TULP4: variants seen among roughly 807,000 people sequenced by gnomAD.
TULP4 encodes tubby-related protein 4.
TULP4 carries 16 observed loss-of-function variants against 129.0 expected under a neutral mutation model. The observed-to-expected ratio is 0.12, with a 90% CI of 0.08 to 0.19. TULP4 has a LOEUF of 0.19. Among genes scored for constraint, TULP4 ranks in the 10% least tolerant of loss-of-function variants. The pLI, the probability that TULP4 is intolerant of heterozygous loss-of-function variation, is 1.00. For missense variants in TULP4, 1,842 were observed against 2,059.1 expected (o/e 0.89, Z 2.04); for synonymous variants, 998 against 854.0 (o/e 1.17, Z -2.94).
At chr6:158,470,426 G>A (rs1031639933) in intron 6 of TULP4, among the ~76,000 whole-genome samples, 17 of 152,358 alleles carry the variant, frequency 1.1e-4, no homozygotes, top group South Asian at 2.1e-4. Flanking sequence ...TTTATATCCC[G>A]ATCCTTGTCC....
rs182591886 is a variant in TULP4 at position 158,486,996 on chromosome 6, C to A, written c.1487-2592C>A. Among the ~76,000 whole-genome samples, 67 of 152,196 alleles carry A rather than the reference C, an allele frequency of 4.4e-4. 1 individual carries two copies. The East Asian group carries it at 0.011, about 25-fold the overall frequency. On this transcript the variant is annotated intron_variant, in intron 8 of 13. Transcript: ENST00000367097. ...GGTGCAGTGGCTCATGCCTGTAATC[C>A]CAACAGTTTGGGAGGCCAAGGTAGG...
At chr6:158,476,504 G>C (rs999096352) in intron 6 of TULP4, among the ~76,000 whole-genome samples, 3 of 152,052 alleles carry the variant, frequency 2.0e-5, no homozygotes, top group African/African-American at 7.2e-5. Flanking sequence ...CAAGTCGTCC[G>C]AGCGAATGCG....
rs1225535233 is a variant in TULP4 at position 158,507,728 on chromosome 6, G to A, written c.*1034G>A. 6.6e-6 allele frequency: 1 copy of A among 152,132 alleles called. No individual in the cohort carries two copies. The highest frequency in any genetic ancestry group is 1.5e-5 in the Non-Finnish European group (1 of 68,026). The allele number at this position is 152,132 out of a possible 1,614,324, so 9.4% of individuals were successfully genotyped here. On this transcript the variant is annotated 3_prime_UTR_variant, in exon 14 of 14. Coordinates refer to ENST00000367097, the MANE Select transcript of TULP4 (RefSeq NM_020245.5). ...TTTCCCATGAGATACCATGTTCTATGCCTTCCCATTCTAAAAGTGTGGACA... is the reference window on the plus strand; with the variant it reads ...TTTCCCATGAGATACCATGTTCTATACCTTCCCATTCTAAAAGTGTGGACA...
chr6:158,294,955 C>T (rs908452806), intron 1 of TULP4, among the ~76,000 whole-genome samples: 4 of 152,142 alleles, frequency 2.6e-5, no homozygotes, highest in Admixed American at 6.5e-5. Flanking sequence ...AAGTGATCTG[C>T]CTGTCTTGGC....
intron 2 of TULP4, among the ~76,000 whole-genome samples, chr6:158,426,484 C>T (rs1778497618): frequency 8.1e-6 from 1 of 122,934 alleles, no homozygotes; most frequent in Admixed American, 7.9e-5. Flanking sequence ...GGAGTCCTTT[C>T]CCCGTTGTTT....
At chr6:158,374,364 T>C (rs1246598182) in intron 1 of TULP4, among the ~76,000 whole-genome samples, 1 of 150,328 alleles carries the variant, frequency 6.7e-6, no homozygotes, top group Non-Finnish European at 1.5e-5. Context: ...ATATTGCAAA[T>C]ATGGGTGGTA....
At chr6:158,422,914 G>A (rs1252538384) in intron 2 of TULP4, among the ~76,000 whole-genome samples, 1 of 152,258 alleles carries the variant, frequency 6.6e-6, no homozygotes. Context: ...ACAAGGGCCG[G>A]AAGGCGCCCG....
In TULP4 at chr6:158,313,426, T is replaced by C. The variant is rs1358556952; in HGVS notation, c.-591T>C. 2.5e-6 allele frequency: 1 copy of C among 398,948 alleles called. No individual in the cohort carries two copies. Among genetic ancestry groups the C allele is most frequent in the Non-Finnish European group, 4.4e-6 (1 of 226,416 alleles). The allele number at this position is 398,948 out of a possible 1,614,324, so 24.7% of individuals were successfully genotyped here. ...TTTTTTTCCCTTTATGCAATCTTTTTCAGCTTTAGCAGCAGAAATTTGTCT... is the reference window on the plus strand; with the variant it reads ...TTTTTTTCCCTTTATGCAATCTTTTCCAGCTTTAGCAGCAGAAATTTGTCT... On this transcript the variant is annotated 5_prime_UTR_variant, in exon 1 of 14. Transcript: ENST00000367097.
chr6:158,480,263 C>G (rs573205204), intron 7 of TULP4, among the ~76,000 whole-genome samples: 1 of 152,338 alleles, frequency 6.6e-6, no homozygotes, highest in South Asian at 2.1e-4. Context: ...TCAGCATTTC[C>G]TATATACTAA....
intron 6 of TULP4, among the ~76,000 whole-genome samples, chr6:158,476,234 G>T (rs1174495755): frequency 6.6e-6 from 1 of 152,142 alleles, no homozygotes; most frequent in African/African-American, 2.4e-5. Context: ...CCCTCTCCCA[G>T]AGTAAGTTTT....
At chr6:158,366,301 C>T (rs981565726) in intron 1 of TULP4, among the ~76,000 whole-genome samples, 1 of 152,300 alleles carries the variant, frequency 6.6e-6, no homozygotes, top group African/African-American at 2.4e-5. Context: ...GTGCCCTCAC[C>T]TTTCTGGAGT....
chr6:158,269,630 G>A (rs1039474675), intron 1 of TULP4, among the ~76,000 whole-genome samples: 4 of 152,098 alleles, frequency 2.6e-5, no homozygotes, highest in Non-Finnish European at 5.9e-5. Context: ...AATGATAATT[G>A]TCTCTGCATA....
intron 1 of TULP4, among the ~76,000 whole-genome samples, chr6:158,352,641 C>T (rs1374322173): frequency 1.3e-5 from 2 of 151,940 alleles, no homozygotes; most frequent in South Asian, 2.1e-4. Flanking sequence ...GTGATCCACC[C>T]GTCTTGGCCT....
chr6:158,257,132 G>C lies in TULP4; in HGVS notation n.68+24829G>C, dbSNP rs557358230. Among the ~76,000 whole-genome samples, 82 of 152,308 alleles carry C rather than the reference G, an allele frequency of 5.4e-4. No homozygotes were observed. In the South Asian group the frequency reaches 0.017, roughly 31 times the overall value. ...GTTAGTAGGTTGGAGAAAATGGACT[G>C]TGGAGTGAGTTTTTGTTGTTACTCA... On this transcript the variant is annotated intron_variant and non_coding_transcript_variant, in intron 1 of 1. Coordinates refer to the TULP4 transcript ENST00000620026.
chr6:158,372,279 C>T (rs1322999193), intron 1 of TULP4, among the ~76,000 whole-genome samples: 2 of 149,848 alleles, frequency 1.3e-5, no homozygotes, highest in Admixed American at 1.3e-4. Flanking sequence ...CTGAAGAGGA[C>T]AGTCTATGAC....
intron 1 of TULP4, among the ~76,000 whole-genome samples, chr6:158,259,757 T>G (rs1778315918): frequency 6.6e-6 from 1 of 152,188 alleles, no homozygotes; most frequent in South Asian, 2.1e-4. Context: ...GGCTGTAAAT[T>G]TGGGGATTCC....
At chr6:158,368,471 T>C (rs1776994942) in intron 1 of TULP4, among the ~76,000 whole-genome samples, 1 of 152,216 alleles carries the variant, frequency 6.6e-6, no homozygotes, top group Non-Finnish European at 1.5e-5. Flanking sequence ...AAAATGTTCT[T>C]AGCCCTTTTG....
At chr6:158,405,477 A>C (rs1382162988) in intron 1 of TULP4, among the ~76,000 whole-genome samples, 2 of 152,224 alleles carry the variant, frequency 1.3e-5, no homozygotes, top group Non-Finnish European at 2.9e-5. Flanking sequence ...GGGGGTCAAA[A>C]GGGCACCGTT....
chr6:158,489,694 C>T lies in TULP4; in HGVS notation c.1593C>T (p.Pro531=), dbSNP rs949827905. Reference sequence around the variant, plus strand: ...ATGACTGGGCTGCCAAGAAATCTCCCAAAATCTCCAGAGCTAGCAAATCAC... The same window carrying T: ...ATGACTGGGCTGCCAAGAAATCTCCTAAAATCTCCAGAGCTAGCAAATCAC... ...LSDDWAAKKS[P]KISRASKSPK... Residue 531 remains proline, a synonymous_variant, in exon 9 of 14, where the codon CCC becomes CCT. Transcript: ENST00000367097. 1.9e-6 allele frequency: 3 copies of T among 1,614,046 alleles called. No homozygotes were observed. In the South Asian group the frequency reaches 3.3e-5, roughly 18 times the overall value.
Sources: allele counts gnomAD v4.1 joint callset (sites outside exome capture counted in the v4.1 genomes callset), GRCh38; gene constraint gnomAD v4.1.1; transcripts MANE v1.5; gene names NCBI Gene and HGNC (gene_info 2026-07-23, HGNC 2026-07-21).